Variants in ATG10 observed in about 807,000 individuals in gnomAD.
ATG10 encodes ubiquitin-like-conjugating enzyme ATG10.
ATG10 carries 30 observed loss-of-function variants against 32.1 expected under a neutral mutation model. The observed-to-expected ratio is 0.94, with a 90% confidence interval of 0.70 to 1.27. The LOEUF (loss-of-function observed/expected upper bound fraction) is 1.27, where lower values mean the gene tolerates loss of function less well. Among genes scored for constraint, ATG10 ranks in the 50% most tolerant of loss-of-function variants. The pLI, the probability that ATG10 is intolerant of heterozygous loss-of-function variation, is 0.00. For missense variants in ATG10, 233 were observed against 262.3 expected, an observed-to-expected ratio of 0.89 and a Z score of 0.77; for synonymous variants, 87 against 91.5, an observed-to-expected ratio of 0.95 and a Z score of 0.28.
intron 3 of ATG10, among the ~76,000 whole-genome samples, chr5:82,127,974 G>T (rs1307614216): frequency 6.6e-6 from 1 of 151,976 alleles, no homozygotes; most frequent in African/African-American, 2.4e-5. Flanking sequence ...CCTGTATTGG[G>T]TGCATATATA....
chr5:82,238,333 A>G (rs1175758113), intron 5 of ATG10, among the ~76,000 whole-genome samples: 2 of 151,956 alleles, frequency 1.3e-5, no homozygotes, highest in East Asian at 1.9e-4. Flanking sequence ...CAGTCCTATT[A>G]CCACGCCCCA....
intron 5 of ATG10, among the ~76,000 whole-genome samples, chr5:82,190,791 A>G (rs1427970386): frequency 6.6e-6 from 1 of 151,058 alleles, no homozygotes; most frequent in Non-Finnish European, 1.5e-5. Flanking sequence ...AAAAAAAAAA[A>G]AAAAAAAAAA....
intron 3 of ATG10, among the ~76,000 whole-genome samples, chr5:82,139,366 C>T (rs1217390354): frequency 4.0e-5 from 6 of 149,094 alleles, no homozygotes; most frequent in Admixed American, 2.0e-4. Context: ...GGAGCGTCTC[C>T]GCCCGGCCCC....
At chr5:82,006,474 T>C (rs1761988161) in intron 2 of ATG10, among the ~76,000 whole-genome samples, 4 of 152,232 alleles carry the variant, frequency 2.6e-5, no homozygotes, top group Admixed American at 1.3e-4. Context: ...AGTGATGTAA[T>C]ATATTTCAAC....
intron 2 of ATG10, among the ~76,000 whole-genome samples, chr5:82,031,286 G>A (rs539377641): frequency 3.9e-5 from 6 of 152,150 alleles, no homozygotes; most frequent in Non-Finnish European, 8.8e-5. Context: ...AATGAGCAGT[G>A]TTGATCAGAA....
chr5:82,029,359 A>G (rs182339839), intron 2 of ATG10, among the ~76,000 whole-genome samples: 98 of 152,350 alleles, frequency 6.4e-4, no homozygotes, highest in Middle Eastern at 3.4e-3. Flanking sequence ...AAAGTTTCAT[A>G]TAAACACCAC....
At chr5:82,120,659 G>GT (rs952178976) in intron 3 of ATG10, among the ~76,000 whole-genome samples, 115 of 142,360 alleles carry the variant, frequency 8.1e-4, no homozygotes, top group Middle Eastern at 3.5e-3. Flanking sequence ...ACTTTTTTCT[G>GT]TTTTTTTTTT....
intron 3 of ATG10, among the ~76,000 whole-genome samples, chr5:82,125,658 A>G (rs1430587894): frequency 1.3e-5 from 2 of 152,044 alleles, no homozygotes; most frequent in Admixed American, 6.6e-5. Context: ...CAAGTACCAT[A>G]CTGTTGTAGT....
chr5:82,128,905 G>C (rs1721242978), intron 3 of ATG10, among the ~76,000 whole-genome samples: 1 of 151,712 alleles, frequency 6.6e-6, no homozygotes, highest in Admixed American at 6.6e-5. Flanking sequence ...ATTTTGGCCT[G>C]TCTTGCTAGG....
At chr5:81,999,614 T>G (rs2149682099) in intron 2 of ATG10, among the ~76,000 whole-genome samples, 1 of 151,944 alleles carries the variant, frequency 6.6e-6, no homozygotes, top group East Asian at 1.9e-4. Flanking sequence ...TTGAAGGAAT[T>G]AATAAGATAG....
Position 82,139,367 on chromosome 5 carries a change from G to C in ATG10, c.217-25032G>C, listed in dbSNP as rs1253706479. 2.0e-5 allele frequency among the ~76,000 whole-genome samples: 3 copies of C among 149,448 alleles called. No homozygotes were observed. In the South Asian group the frequency reaches 6.5e-4, roughly 32 times the overall value. On this transcript the variant is annotated intron_variant, in intron 3 of 7. Transcript: ENST00000282185. ...AGTCTGGAAAGTGAGGAGCGTCTCCGCCCGGCCCCCATCCCATCTAGGAAG... is the reference window on the plus strand; with the variant it reads ...AGTCTGGAAAGTGAGGAGCGTCTCCCCCCGGCCCCCATCCCATCTAGGAAG...
At chr5:82,151,699 T>C (rs1767602019) in intron 3 of ATG10, among the ~76,000 whole-genome samples, 1 of 152,014 alleles carries the variant, frequency 6.6e-6, no homozygotes. Flanking sequence ...GCTCTCCAAA[T>C]TTAAAATTAA....
chr5:82,023,902 G>C (rs1282987853), intron 2 of ATG10, among the ~76,000 whole-genome samples: 1 of 152,188 alleles, frequency 6.6e-6, no homozygotes, highest in Non-Finnish European at 1.5e-5. Context: ...GCACAATGGA[G>C]ACATGCTTTG....
At chr5:82,191,299 G>C (rs1231366470) in intron 5 of ATG10, among the ~76,000 whole-genome samples, 2 of 152,176 alleles carry the variant, frequency 1.3e-5, no homozygotes, top group Non-Finnish European at 2.9e-5. Context: ...TAAAGGGTCT[G>C]ATTTATATTC....
intron 2 of ATG10, among the ~76,000 whole-genome samples, chr5:82,011,270 G>A (rs1762120063): frequency 6.6e-6 from 1 of 151,804 alleles, no homozygotes; most frequent in Admixed American, 6.6e-5. Flanking sequence ...ACATTCCTCT[G>A]CCTCAATACA....
At chr5:82,129,582 C>A (rs1355119497) in intron 3 of ATG10, among the ~76,000 whole-genome samples, 2 of 152,108 alleles carry the variant, frequency 1.3e-5, no homozygotes, top group Non-Finnish European at 2.9e-5. Context: ...TTGTTGCTTT[C>A]CTTCTAATAG....
At chr5:82,015,706 G>C (rs1193370356) in intron 2 of ATG10, among the ~76,000 whole-genome samples, 1 of 152,106 alleles carries the variant, frequency 6.6e-6, no homozygotes, top group Admixed American at 6.5e-5. Flanking sequence ...CTCTACATTG[G>C]TTATTCCAGT....
chr5:82,138,093 C>T (rs1766841162), intron 3 of ATG10, among the ~76,000 whole-genome samples: 1 of 152,172 alleles, frequency 6.6e-6, no homozygotes, highest in South Asian at 2.1e-4. Context: ...GCTTGAGTGT[C>T]CCAGGTTGAC....
At chr5:82,177,909 T>C (rs533736846) in intron 4 of ATG10, among the ~76,000 whole-genome samples, 1 of 152,194 alleles carries the variant, frequency 6.6e-6, no homozygotes, top group Non-Finnish European at 1.5e-5. Flanking sequence ...TCAGTGAGCT[T>C]CAGTCTTCTT....
Sources: allele counts gnomAD v4.1 joint callset (sites outside exome capture counted in the v4.1 genomes callset), GRCh38; gene constraint gnomAD v4.1.1; transcripts MANE v1.5; gene names NCBI Gene and HGNC (gene_info 2026-07-23, HGNC 2026-07-21).